FHIT: variants seen among roughly 807,000 people sequenced by gnomAD.
The protein encoded by FHIT is fragile histidine triad diadenosine triphosphatase.
A neutral mutation model predicts 17.9 loss-of-function variants in FHIT; 19 were observed. The observed-to-expected ratio is 1.06, with a 90% CI of 0.74 to 1.56. FHIT has a LOEUF of 1.56. FHIT is among the 40% of genes most tolerant of loss of function. The pLI, the probability that FHIT is intolerant of heterozygous loss-of-function variation, is 0.00. For missense variants in FHIT, 248 were observed against 189.2 expected, an observed-to-expected ratio of 1.31 and a Z score of -1.82; for synonymous variants, 81 against 69.7, an observed-to-expected ratio of 1.16 and a Z score of -0.81.
intron 4 of FHIT, among the ~76,000 whole-genome samples, chr3:60,807,717 C>T (rs1283851970): frequency 6.6e-6 from 1 of 152,094 alleles, no homozygotes; most frequent in Non-Finnish European, 1.5e-5. Flanking sequence ...CCTGTTTGTC[C>T]CCAGGATTAA....
At chr3:59,794,057 C>T (rs1699676992) in intron 8 of FHIT, among the ~76,000 whole-genome samples, 1 of 152,168 alleles carries the variant, frequency 6.6e-6, no homozygotes, top group African/African-American at 2.4e-5. Flanking sequence ...CTTAGCCAGA[C>T]ATTTGGGTTT....
chr3:60,252,582 A>G (rs918127796), intron 5 of FHIT, among the ~76,000 whole-genome samples: 4 of 151,962 alleles, frequency 2.6e-5, no homozygotes, highest in African/African-American at 7.2e-5. Context: ...AAATAAATAA[A>G]TAGAAGGAAA....
Position 60,577,539 on chromosome 3 carries a change from T to C in FHIT, c.-17-40560A>G, listed in dbSNP as rs77806994. Among the ~76,000 whole-genome samples, 62 of 152,300 alleles carry C rather than the reference T, an allele frequency of 4.1e-4. No homozygotes were observed. The East Asian group carries it at 0.01, about 26-fold the overall frequency. On this transcript the variant is annotated intron_variant, in intron 4 of 9. Coordinates refer to ENST00000492590, the MANE Select transcript of FHIT (RefSeq NM_002012.4). Reference sequence around the variant, plus strand: ...AACGTAGTCAATGGTTCATTTAATTTGATGGCAGAGTCCACTTTCAAATAA... The same window carrying C: ...AACGTAGTCAATGGTTCATTTAATTCGATGGCAGAGTCCACTTTCAAATAA...
chr3:61,154,645 T>G (rs2107065349), intron 2 of FHIT, among the ~76,000 whole-genome samples: 1 of 152,332 alleles, frequency 6.6e-6, no homozygotes, highest in Non-Finnish European at 1.5e-5. Context: ...ATGGGATTTC[T>G]GCATTGCTTT....
chr3:59,980,943 A>G (rs1039911324), intron 7 of FHIT, among the ~76,000 whole-genome samples: 5 of 152,188 alleles, frequency 3.3e-5, no homozygotes, highest in African/African-American at 1.2e-4. Flanking sequence ...TATGAACATG[A>G]AATTCTGCCA....
intron 5 of FHIT, among the ~76,000 whole-genome samples, chr3:60,367,719 G>A (rs907567081): frequency 6.6e-6 from 1 of 152,146 alleles, no homozygotes; most frequent in Non-Finnish European, 1.5e-5. Context: ...AGGTTTTACA[G>A]TGGATGAATT....
chr3:60,607,911 A>G (rs1249475365), intron 4 of FHIT, among the ~76,000 whole-genome samples: 28 of 152,264 alleles, frequency 1.8e-4, no homozygotes, highest in East Asian at 3.9e-4. Context: ...AATAGTGTCT[A>G]TTCCCTTTGG....
rs1174410651 is a variant in FHIT, at chr3:60,059,879, G to A, written c.104-45727C>T. 9.9e-5 allele frequency among the ~76,000 whole-genome samples: 15 copies of A among 152,176 alleles called. No homozygotes were observed. In the South Asian group the frequency reaches 2.3e-3, roughly 23 times the overall value. ...AACTTTACTAGCTATTCTTCAAATC[G>A]ACAATGGTTTGACTTCAACAGGTCT... is the stretch of plus-strand genomic sequence containing the variant. On this transcript the variant is annotated intron_variant, in intron 5 of 9. Transcript: ENST00000492590.
intron 3 of FHIT, among the ~76,000 whole-genome samples, chr3:61,010,727 T>A (rs1254610338): frequency 6.6e-6 from 1 of 152,246 alleles, no homozygotes; most frequent in Non-Finnish European, 1.5e-5. Flanking sequence ...TTCTGATATT[T>A]CTTATATCAC....
intron 5 of FHIT, among the ~76,000 whole-genome samples, chr3:60,079,358 C>A (rs1380233437): frequency 6.6e-6 from 1 of 152,118 alleles, no homozygotes; most frequent in Non-Finnish European, 1.5e-5. Context: ...AACAACATTA[C>A]TTTTTCCAGA....
intron 5 of FHIT, among the ~76,000 whole-genome samples, chr3:60,341,862 A>G (rs535964714): frequency 3.8e-4 from 58 of 152,310 alleles, no homozygotes; most frequent in African/African-American, 1.3e-3. Flanking sequence ...TGTACGTGGC[A>G]TGGGTCTTAG....
intron 5 of FHIT, among the ~76,000 whole-genome samples, chr3:60,326,632 C>T (rs1313530573): frequency 6.6e-6 from 1 of 152,154 alleles, no homozygotes; most frequent in Non-Finnish European, 1.5e-5. Flanking sequence ...ACCATGTTTG[C>T]TTCTGCCCCC....
intron 4 of FHIT, among the ~76,000 whole-genome samples, chr3:60,671,709 G>A (rs2040508474): frequency 6.6e-6 from 1 of 151,524 alleles, no homozygotes; most frequent in Non-Finnish European, 1.5e-5. Context: ...GGAGGCTGAG[G>A]CAAGTGGATC....
intron 8 of FHIT, among the ~76,000 whole-genome samples, chr3:59,875,919 A>G (rs1381297069): frequency 6.6e-6 from 1 of 151,688 alleles, no homozygotes; most frequent in Non-Finnish European, 1.5e-5. Flanking sequence ...TCAGGATGAG[A>G]AACAACTCGT....
At chr3:61,092,864 G>A (rs1043865279) in intron 2 of FHIT, among the ~76,000 whole-genome samples, 9 of 152,238 alleles carry the variant, frequency 5.9e-5, no homozygotes, top group African/African-American at 1.4e-4. Context: ...AAATAATAAC[G>A]AAATACATGA....
chr3:59,987,344 C>T (rs1709030951), intron 7 of FHIT, among the ~76,000 whole-genome samples: 1 of 151,662 alleles, frequency 6.6e-6, no homozygotes, highest in African/African-American at 2.4e-5. Flanking sequence ...GAAATTAGAG[C>T]CAAGGATGAT....
At chr3:60,508,867 A>T (rs2034836689) in intron 5 of FHIT, among the ~76,000 whole-genome samples, 2 of 152,156 alleles carry the variant, frequency 1.3e-5, no homozygotes, top group African/African-American at 2.4e-5. Context: ...TTACCATGCC[A>T]AATTCCTATA....
intron 2 of FHIT, among the ~76,000 whole-genome samples, chr3:61,178,104 G>A (rs116145666): frequency 0.012 from 1,767 of 152,266 alleles, 18 homozygotes; most frequent in Non-Finnish European, 0.016. Context: ...CCTGCTTAAC[G>A]TTAATCACGA....
intron 5 of FHIT, among the ~76,000 whole-genome samples, chr3:60,505,860 T>G (rs1024175141): frequency 6.6e-6 from 1 of 152,212 alleles, no homozygotes; most frequent in Non-Finnish European, 1.5e-5. Flanking sequence ...AACTTCTATA[T>G]TATCATCATT....
Sources: allele counts gnomAD v4.1 joint callset (sites outside exome capture counted in the v4.1 genomes callset), GRCh38; gene constraint gnomAD v4.1.1; transcripts MANE v1.5; gene names NCBI Gene and HGNC (gene_info 2026-07-23, HGNC 2026-07-21).